The following R3HCC1L variants were observed in gnomAD, a reference collection of about 807,000 sequenced individuals.
R3HCC1L encodes R3H domain and coiled-coil containing 1 like, also known as coiled-coil domain-containing protein R3HCC1L.
Under a neutral mutation model 59.9 loss-of-function variants are expected in R3HCC1L, and 51 were observed. That is an observed-to-expected ratio of 0.85 (90% CI 0.68 to 1.07). The LOEUF (loss-of-function observed/expected upper bound fraction) is 1.07, where lower values mean the gene tolerates loss of function less well. Among genes scored for constraint, R3HCC1L ranks in the 50% least tolerant of loss-of-function variants. The pLI is 0.00. For missense variants in R3HCC1L, 965 were observed against 933.0 expected, an observed-to-expected ratio of 1.03 and a Z score of -0.45; for synonymous variants, 322 against 315.2, an observed-to-expected ratio of 1.02 and a Z score of -0.23.
At chr10:98,139,522 G>A (rs1467484146) in intron 1 of R3HCC1L, among the ~76,000 whole-genome samples, 1 of 152,244 alleles carries the variant, frequency 6.6e-6, no homozygotes, top group East Asian at 1.9e-4. Flanking sequence ...ACGAGGAAAT[G>A]TGCTCTTCGC....
intron 3 of R3HCC1L, 82 bp from the exon 4 acceptor site, chr10:98,163,211 A>G (rs1378287745): frequency 1.3e-5 from 5 of 383,104 alleles, no homozygotes; most frequent in African/African-American, 1.0e-4. Flanking sequence ...AAAGTGAGAC[A>G]ATGAAAGTTA....
chr10:98,173,448 G>A (rs1469636417), intron 4 of R3HCC1L, among the ~76,000 whole-genome samples: 1 of 152,158 alleles, frequency 6.6e-6, no homozygotes, highest in Admixed American at 6.5e-5. Flanking sequence ...GGAGCCTAAT[G>A]TACCGGAGAT....
intron 4 of R3HCC1L, among the ~76,000 whole-genome samples, chr10:98,164,907 T>TG (rs1847784252): frequency 1.3e-5 from 2 of 152,214 alleles, no homozygotes; most frequent in Admixed American, 1.3e-4. Flanking sequence ...AGCTAGAAGG[T>TG]GGGGTGGAAA....
At chr10:98,173,805 AT>A (rs992854101) in intron 4 of R3HCC1L, among the ~76,000 whole-genome samples, 2 of 152,000 alleles carry the variant, frequency 1.3e-5, no homozygotes, top group African/African-American at 4.8e-5. Flanking sequence ...TTGTGGATGC[AT>A]ATTTATTGGG....
intron 4 of R3HCC1L, among the ~76,000 whole-genome samples, chr10:98,203,061 T>G (rs1465801120): frequency 6.6e-6 from 1 of 152,170 alleles, no homozygotes; most frequent in East Asian, 1.9e-4. Flanking sequence ...TTGACAAAAC[T>G]GGATTACTTA....
At chr10:98,165,244 G>A (rs1312501396) in intron 4 of R3HCC1L, among the ~76,000 whole-genome samples, 1 of 152,180 alleles carries the variant, frequency 6.6e-6, no homozygotes, top group Non-Finnish European at 1.5e-5. Flanking sequence ...CAGCCTGGGC[G>A]ACAGAATGAG....
chr10:98,195,286 C>T (rs989338352), intron 4 of R3HCC1L, among the ~76,000 whole-genome samples: 2 of 152,058 alleles, frequency 1.3e-5, no homozygotes, highest in African/African-American at 4.8e-5. Context: ...GAAACAGAAA[C>T]TAGAATGGTG....
Position 98,235,338 on chromosome 10 carries a change from A to G in R3HCC1L, c.2033-87A>G, listed in dbSNP as rs557099938. 1.6e-4 allele frequency: 178 copies of G among 1,120,488 alleles called. 2 individuals carry two copies. The South Asian group carries it at 2.1e-3, about 13-fold the overall frequency. The allele number at this position is 1,120,488 out of a possible 1,614,324, so 69.4% of individuals were successfully genotyped here. ...GCTTGCTTTGAAAAAAAAGCATAACATCTAGGAAATACTAAGAGCTATCCC... is the reference window on the plus strand; with the variant it reads ...GCTTGCTTTGAAAAAAAAGCATAACGTCTAGGAAATACTAAGAGCTATCCC... On this transcript the variant is annotated intron_variant, in intron 7 of 9. Coordinates refer to ENST00000298999, the MANE Select transcript of R3HCC1L (RefSeq NM_001351015.2).
intron 5 of R3HCC1L, among the ~76,000 whole-genome samples, chr10:98,229,108 C>A (rs572911285): frequency 2.0e-5 from 3 of 151,956 alleles, no homozygotes; most frequent in Non-Finnish European, 4.4e-5. Flanking sequence ...TAGTTTTTTT[C>A]CAGTTCTGTG....
In R3HCC1L at chr10:98,209,505, A is replaced by G. The variant is rs751593903; in HGVS notation, c.1391A>G (p.Glu464Gly). ...HFTESTGKLI[E>G]SLSDCASSLP... is the part of the protein sequence containing the mutation. The stretch of plus-strand genomic sequence containing the variant: ...ACAGAGTCAACAGGAAAGTTGATAG[A>G]GAGCTTGTCAGATTGTGCTTCCTCC... Residue 464 changes from glutamate (E) to glycine (G), a missense_variant, in exon 5 of 10, where the codon GAG becomes GGG. Coordinates refer to ENST00000298999, the MANE Select transcript of R3HCC1L (RefSeq NM_001351015.2). 9.9e-6 allele frequency: 16 copies of G among 1,613,730 alleles called. No homozygotes were observed. The highest frequency in any genetic ancestry group is 1.3e-5 in the African/African-American group (1 of 74,922).
chr10:98,186,077 G>A (rs534558746), intron 4 of R3HCC1L, among the ~76,000 whole-genome samples: 1 of 152,310 alleles, frequency 6.6e-6, no homozygotes, highest in African/African-American at 2.4e-5. Flanking sequence ...GTATGTTTCT[G>A]TAGAACCTCC....
intron 1 of R3HCC1L, among the ~76,000 whole-genome samples, chr10:98,138,521 T>C (rs1844811917): frequency 6.6e-6 from 1 of 151,624 alleles, no homozygotes; most frequent in Non-Finnish European, 1.5e-5. Context: ...TGAGACTTCA[T>C]CTTTATTAAA....
At chr10:98,207,810 A>G (rs1480308532) in intron 4 of R3HCC1L, among the ~76,000 whole-genome samples, 13 of 152,098 alleles carry the variant, frequency 8.5e-5, no homozygotes, top group African/African-American at 3.1e-4. Context: ...TGGGCTTGAG[A>G]CCAGCCTAGG....
chr10:98,160,912 A>T (rs1847356946), intron 2 of R3HCC1L, among the ~76,000 whole-genome samples: 1 of 152,196 alleles, frequency 6.6e-6, no homozygotes, highest in Non-Finnish European at 1.5e-5. Flanking sequence ...ATTCTTACAC[A>T]AAAGGTAGCA....
intron 1 of R3HCC1L, among the ~76,000 whole-genome samples, chr10:98,137,093 C>G (rs1844673916): frequency 6.6e-6 from 1 of 152,024 alleles, no homozygotes; most frequent in South Asian, 2.1e-4. Context: ...CGCCTGTAGT[C>G]CCATGTCCTC....
chr10:98,238,477 G>A (rs1388913920), intron 9 of R3HCC1L, among the ~76,000 whole-genome samples: 1 of 152,090 alleles, frequency 6.6e-6, no homozygotes, highest in Non-Finnish European at 1.5e-5. Context: ...AACCATAAAT[G>A]GTTTTTGTTG....
chr10:98,142,073 C>G (rs1007584526), intron 1 of R3HCC1L, among the ~76,000 whole-genome samples: 2 of 152,196 alleles, frequency 1.3e-5, no homozygotes, highest in Admixed American at 1.3e-4. Flanking sequence ...TTGTACTAAA[C>G]TTGTAAAAAC....
At chr10:98,220,288 A>T (rs1854725582) in intron 5 of R3HCC1L, among the ~76,000 whole-genome samples, 1 of 145,186 alleles carries the variant, frequency 6.9e-6, no homozygotes, top group Non-Finnish European at 1.5e-5. Context: ...TCCTTGTATT[A>T]TTTATCTGTG....
chr10:98,204,602 T>C (rs1235230006), intron 4 of R3HCC1L, among the ~76,000 whole-genome samples: 2 of 152,172 alleles, frequency 1.3e-5, no homozygotes, highest in Admixed American at 1.3e-4. Flanking sequence ...ATTGGCAATA[T>C]AGTGTTCTCC....
Sources: gnomAD v4.1 joint callset for allele counts (sites outside exome capture counted in the v4.1 genomes callset) on GRCh38, gnomAD v4.1.1 for gene constraint, MANE v1.5 for transcripts, NCBI Gene and HGNC (gene_info 2026-07-23, HGNC 2026-07-21) for gene names.